Variants in SPATA6L observed in about 807,000 individuals in gnomAD.
SPATA6L encodes the protein spermatogenesis associated 6-like protein.
Under a neutral mutation model 49.2 loss-of-function variants are expected in SPATA6L, and 68 were observed. That is an observed-to-expected ratio of 1.38 (90% CI 1.14 to 1.69). The LOEUF is 1.69. Ranked by LOEUF, SPATA6L falls within the 40% of genes most tolerant of loss-of-function variation. The pLI, the probability that SPATA6L is intolerant of heterozygous loss-of-function variation, is 0.00. For missense variants in SPATA6L, 668 were observed against 464.3 expected (o/e 1.44, Z -4.03); for synonymous variants, 198 against 165.7 (o/e 1.19, Z -1.50).
chr9:4,607,684 A>T (rs199926821), intron 9 of SPATA6L, among the ~76,000 whole-genome samples: 1 of 152,314 alleles, frequency 6.6e-6, no homozygotes, highest in African/African-American at 2.4e-5. Context: ...CAGCCGCTGC[A>T]AAATCATGCC....
At chr9:4,661,751 C>T in intron 2 of SPATA6L, 148 bp downstream of exon 2, 2 of 1,054,780 alleles carry the variant, frequency 1.9e-6, no homozygotes, top group South Asian at 1.9e-5. Context: ...GCAAGTGTTC[C>T]GACTGCGGTT....
At chr9:4,589,089 A>T (rs562566005) in intron 13 of SPATA6L, 1 of 152,358 alleles carries the variant, frequency 6.6e-6, no homozygotes, top group African/African-American at 2.4e-5. Context: ...GAGTGGGCAC[A>T]CAGCTCTGAT....
chr9:4,589,611 C>CTATGA (rs1821775427), intron 13 of SPATA6L, among the ~76,000 whole-genome samples: 1 of 152,186 alleles, frequency 6.6e-6, no homozygotes, highest in Admixed American at 6.5e-5. Context: ...CAGTCCTTTC[C>CTATGA]TATGCCCTGA....
At chr9:4,632,829 C>A (rs1051379453) in intron 4 of SPATA6L, among the ~76,000 whole-genome samples, 1 of 152,128 alleles carries the variant, frequency 6.6e-6, no homozygotes, top group South Asian at 2.1e-4. Context: ...GAGGAAATAC[C>A]TGCCAAAGGA....
chr9:4,621,554 T>C (rs1459521823), intron 7 of SPATA6L, among the ~76,000 whole-genome samples: 1 of 152,014 alleles, frequency 6.6e-6, no homozygotes, highest in Non-Finnish European at 1.5e-5. Flanking sequence ...AATGGCACAA[T>C]CTCAGCTCAC....
chr9:4,650,519 A>C (rs754393118), intron 3 of SPATA6L, among the ~76,000 whole-genome samples: 52 of 152,224 alleles, frequency 3.4e-4, no homozygotes, highest in Non-Finnish European at 3.5e-4. Context: ...AAATCAATAC[A>C]TCTAAAAGTT....
chr9:4,630,962 A>G (rs1464425403), intron 4 of SPATA6L, among the ~76,000 whole-genome samples: 2 of 152,326 alleles, frequency 1.3e-5, no homozygotes, highest in East Asian at 3.9e-4. Context: ...AGACAATCTG[A>G]TTCCACACTT....
intron 9 of SPATA6L, among the ~76,000 whole-genome samples, chr9:4,614,622 C>T (rs1374550413): frequency 6.6e-6 from 1 of 152,204 alleles, no homozygotes; most frequent in African/African-American, 2.4e-5. Context: ...TTCAGAGCCA[C>T]TTCTCTAGTG....
chr9:4,641,638 A>G (rs1271515611), intron 3 of SPATA6L, among the ~76,000 whole-genome samples: 1 of 152,234 alleles, frequency 6.6e-6, no homozygotes, highest in Non-Finnish European at 1.5e-5. Flanking sequence ...AGCCAAATTC[A>G]TGGATGTGGA....
At chr9:4,649,236 G>C (rs1052100410) in intron 3 of SPATA6L, among the ~76,000 whole-genome samples, 13 of 152,176 alleles carry the variant, frequency 8.5e-5, no homozygotes, top group African/African-American at 3.1e-4. Flanking sequence ...TGGGTAGACA[G>C]ATACCCTAGC....
intron 9 of SPATA6L, among the ~76,000 whole-genome samples, chr9:4,609,418 C>T (rs1826115007): frequency 6.6e-6 from 1 of 152,184 alleles, no homozygotes; most frequent in Admixed American, 6.5e-5. Flanking sequence ...CAAAACGAAT[C>T]CAGCAGCACA....
chr9:4,595,526 C>T (rs906657665), downstream of SPATA6L, among the ~76,000 whole-genome samples: 13 of 152,286 alleles, frequency 8.5e-5, no homozygotes, highest in East Asian at 1.9e-4. Context: ...TGAAAATACT[C>T]GCCTGAATAT....
At chr9:4,611,419 C>T (rs955402158) in intron 9 of SPATA6L, among the ~76,000 whole-genome samples, 1 of 149,128 alleles carries the variant, frequency 6.7e-6, no homozygotes, top group African/African-American at 2.6e-5. Flanking sequence ...GAATGATAGA[C>T]TGGATTAAGA....
chr9:4,657,669 G>A (rs1276894940), intron 2 of SPATA6L, among the ~76,000 whole-genome samples: 1 of 152,136 alleles, frequency 6.6e-6, no homozygotes, highest in South Asian at 2.1e-4. Context: ...CTGCATTATG[G>A]GCAGCAGGCT....
At chr9:4,619,908 T>A (rs1374235211) in intron 7 of SPATA6L, among the ~76,000 whole-genome samples, 3 of 152,136 alleles carry the variant, frequency 2.0e-5, no homozygotes, top group Admixed American at 2.0e-4. Flanking sequence ...TTAAAAAATG[T>A]TTTTAAAATG....
At chr9:4,597,157 A>C (rs1027434898), downstream of SPATA6L, among the ~76,000 whole-genome samples, 11 of 152,150 alleles carry the variant, frequency 7.2e-5, no homozygotes, top group African/African-American at 2.7e-4. Flanking sequence ...ACTAGGATTT[A>C]AATCCAGGTA....
intron 3 of SPATA6L, among the ~76,000 whole-genome samples, chr9:4,638,617 C>T (rs965159105): frequency 1.3e-5 from 2 of 152,070 alleles, no homozygotes; most frequent in Non-Finnish European, 2.9e-5. Flanking sequence ...GGGTATAATC[C>T]TCCCACCCTT....
At chr9:4,615,451 C>T (rs148614315) in intron 9 of SPATA6L, among the ~76,000 whole-genome samples, 1 of 152,300 alleles carries the variant, frequency 6.6e-6, no homozygotes, top group African/African-American at 2.4e-5. Context: ...TTGATTTTGA[C>T]TCAGTAAACA....
chr9:4,596,087 C>T (rs375302183), downstream of SPATA6L, among the ~76,000 whole-genome samples: 45 of 152,274 alleles, frequency 3.0e-4, no homozygotes, highest in African/African-American at 1.0e-3. Flanking sequence ...TAAAGACATC[C>T]GAGTTTGCAA....
Sources: gnomAD v4.1 joint callset for allele counts (sites outside exome capture counted in the v4.1 genomes callset) on GRCh38, gnomAD v4.1.1 for gene constraint, MANE v1.5 for transcripts, NCBI Gene and HGNC (gene_info 2026-07-23, HGNC 2026-07-21) for gene names.